The following HBEGF variants were observed in gnomAD, a reference collection of about 807,000 sequenced individuals.
HBEGF encodes proheparin-binding EGF-like growth factor.
In HBEGF, 8 loss-of-function variants were observed where a neutral mutation model predicts 19.5. The observed-to-expected ratio is 0.41, with a 90% confidence interval of 0.24 to 0.74. HBEGF has a LOEUF of 0.74. HBEGF is among the 30% of genes least tolerant of loss of function. The pLI is 0.32. For synonymous variants in HBEGF, 97 were observed against 108.9 expected, an observed-to-expected ratio of 0.89 and a Z score of 0.68; for missense variants, 207 against 256.9, an observed-to-expected ratio of 0.81 and a Z score of 1.33.
chr5:140,337,517 T>C (rs1766246824), intron 3 of HBEGF, among the ~76,000 whole-genome samples: 1 of 152,208 alleles, frequency 6.6e-6, no homozygotes, highest in Non-Finnish European at 1.5e-5. Flanking sequence ...AAGGAGGTGC[T>C]TTCTCTGGTA....
intron 4 of HBEGF, among the ~76,000 whole-genome samples, chr5:140,335,520 A>G (rs915107081): frequency 2.6e-4 from 40 of 152,116 alleles, no homozygotes; most frequent in Admixed American, 2.6e-3. Context: ...TACCACTAGC[A>G]CCACCCACAC....
rs771055333 is a variant in HBEGF, at chr5:140,346,336, C to A, written c.-8G>T. On this transcript the variant is annotated 5_prime_UTR_variant, in exon 1 of 6. Transcript: ENST00000230990. This position sits in a 1 kb window ranked among gnomAD's most constrained non-coding sequence, Gnocchi z 6.1. ...CGACGGCAGCAGCTTCATGGTCCCG[C>A]ACCGAGAGGAGGCGGCGAGGCACCA... is the stretch of plus-strand genomic sequence containing the variant. The A allele has an allele frequency of 2.5e-6, 4 of 1,607,602 alleles. No individual in the cohort carries two copies. In the East Asian group the frequency reaches 6.7e-5, roughly 27 times the overall value.
chr5:140,342,607 GA>G, intron 3 of HBEGF, 27 bp downstream of exon 3: 2 of 1,606,016 alleles, frequency 1.2e-6, no homozygotes, highest in East Asian at 4.5e-5. Flanking sequence ...GTGCTGATGA[GA>G]TTCAGCCCTG....
At position 140,346,535 on chromosome 5, in the gene HBEGF, G is replaced by A; in HGVS notation, c.-207C>T. On this transcript the variant is annotated 5_prime_UTR_variant, in exon 1 of 6. Transcript: ENST00000230990. The surrounding 1 kb of genome is among the most constrained non-coding windows in gnomAD (Gnocchi z 6.1). ...CTTGCTCACTCAGCCCGCCCGCGCG[G>A]CCGCCCGACCCCGCGCGCCTAGGTC... 1 of 613,222 alleles carries A rather than the reference G, an allele frequency of 1.6e-6. No homozygotes were observed. The highest frequency in any genetic ancestry group is 2.8e-6 in the Non-Finnish European group (1 of 353,260). 38.0% of individuals were successfully genotyped at this position (613,222 alleles called of 1,614,324 possible).
At chr5:140,336,828 C>CTTTTTTTTTTTTTTTTT (rs1160533557) in intron 3 of HBEGF, among the ~76,000 whole-genome samples, 6 of 129,798 alleles carry the variant, frequency 4.6e-5, no homozygotes, top group East Asian at 2.1e-4. Flanking sequence ...TTTTCTTTTT[C>CTTTTTTTTTTTTTTTTT]TTTTTTTTTT....
Position 140,346,429 on chromosome 5 carries a change from G to T in HBEGF, c.-101C>A, listed in dbSNP as rs1032899850. On this transcript the variant is annotated 5_prime_UTR_variant, in exon 1 of 6. Coordinates refer to ENST00000230990, the MANE Select transcript of HBEGF (RefSeq NM_001945.3). The surrounding 1 kb of genome is among the most constrained non-coding windows in gnomAD (Gnocchi z 6.1). ...TGGGCGGCGGAGCTCAGGAGATTCC[G>T]CCGGGCACCGTCTGCCGCCCGCCTC... 4 of 1,325,808 alleles carry T rather than the reference G, an allele frequency of 3.0e-6. No individual in the cohort carries two copies. In the Admixed American group the frequency reaches 8.3e-5, roughly 27 times the overall value. 82.1% of individuals were successfully genotyped at this position (1,325,808 alleles called of 1,614,324 possible).
At chr5:140,334,554 G>T in intron 5 of HBEGF, 104 bp downstream of exon 5, 1 of 793,966 alleles carries the variant, frequency 1.3e-6, no homozygotes, top group East Asian at 2.4e-5. Context: ...TGTCACAGTA[G>T]CCTGGCCCCC....
intron 3 of HBEGF, among the ~76,000 whole-genome samples, chr5:140,340,702 A>G (rs1265612830): frequency 6.6e-6 from 1 of 152,150 alleles, no homozygotes; most frequent in Non-Finnish European, 1.5e-5. Flanking sequence ...AGACTAGTAA[A>G]AGAATAAGAG....
rs1212266239 is a variant in HBEGF, at chr5:140,342,645, G to C, written c.388C>G (p.Pro130Ala). 7.4e-6 allele frequency: 12 copies of C among 1,614,008 alleles called. No homozygotes were observed. Among genetic ancestry groups the C allele is most frequent in the East Asian group, 2.2e-5 (1 of 44,882 alleles). ...GGAAGGGGCACTTACATGCAGGAGG[G>C]AGCCCGGAGCTCCTTCACATATTTG... Reference protein sequence around the residue: ...ECKYVKELRAPSCICHPGYHG... With the variant: ...ECKYVKELRAASCICHPGYHG... Residue 130 changes from proline (P) to alanine (A), a missense_variant, in exon 3 of 6, where the codon CCC (proline) becomes GCC (alanine). By Grantham distance (27) the Pro-to-Ala change is conservative. Transcript: ENST00000230990.
rs1306108793 is a variant in HBEGF, at chr5:140,334,219, T to C, written c.*80A>G. 1.3e-5 allele frequency: 2 copies of C among 159,566 alleles called. No individual in the cohort carries two copies. The highest frequency in any genetic ancestry group is 2.8e-5 in the Non-Finnish European group (2 of 72,620). The allele number at this position is 159,566 out of a possible 1,614,324, so 9.9% of individuals were successfully genotyped here. On this transcript the variant is annotated 3_prime_UTR_variant, in exon 6 of 6. Transcript: ENST00000230990. The stretch of plus-strand genomic sequence containing the variant: ...AGTCTTTGTGACTAGATGGAAGTCT[T>C]TCCCCTCTGCAGTCTGAAATCACCT...
rs1326523073 is a variant in HBEGF, at chr5:140,333,660, A to G, written c.*639T>C. 6.6e-6 allele frequency: 1 copy of G among 152,660 alleles called. No homozygotes were observed. Among genetic ancestry groups the G allele is most frequent in the Non-Finnish European group, 1.5e-5 (1 of 68,044 alleles). 9.5% of individuals were successfully genotyped at this position (152,660 alleles called of 1,614,324 possible). ...AAATATTATTGTTAGATTGTTAAAA[A>G]CTAAATAAATTAACATACATAGAAT... On this transcript the variant is annotated 3_prime_UTR_variant, in exon 6 of 6. Transcript: ENST00000230990.
chr5:140,343,775 G>T (rs369808587), intron 2 of HBEGF, among the ~76,000 whole-genome samples: 5 of 152,318 alleles, frequency 3.3e-5, no homozygotes, highest in African/African-American at 7.2e-5. Context: ...ACAGCCATGT[G>T]TCTTACAGAA....
In HBEGF at chr5:140,345,949, A is replaced by G; in HGVS notation, c.182T>C (p.Val61Ala). ...LPLGGGRDRK[V>A]RDLQEADLDL... ...CAGATCTGCCTCTTGCAAGTCACGG[A>G]CTTTCCGGTCCCGGCCGCCTCCTAG... Residue 61 changes from valine to alanine, a missense_variant, in exon 2 of 6, where the codon GTC becomes GCC. Physicochemically the swap from Val to Ala is moderately conservative, Grantham distance 64. Around this residue, in one of 3 missense-constraint regions of HBEGF, gnomAD observed 127 missense variants for 132.7 expected, o/e 0.96. Coordinates refer to ENST00000230990, the MANE Select transcript of HBEGF (RefSeq NM_001945.3). 1 of 1,614,134 alleles carries G rather than the reference A, an allele frequency of 6.2e-7. No individual in the cohort carries two copies. The highest frequency in any genetic ancestry group is 2.2e-5 in the East Asian group (1 of 44,874).
rs531044269 is a variant in HBEGF at position 140,341,894 on chromosome 5, G to A, written c.398+741C>T. 2.0e-5 allele frequency among the ~76,000 whole-genome samples: 3 copies of A among 152,292 alleles called. No homozygotes were observed. In the East Asian group the frequency reaches 5.8e-4, roughly 29 times the overall value. On this transcript the variant is annotated intron_variant, in intron 3 of 5. Transcript: ENST00000230990. ...GCAGCCGTTTGCTGGGTTTGGCTTA[G>A]GAGAGAGGCTAAGGAACCCACAGCC... is the stretch of plus-strand genomic sequence containing the variant.
At chr5:140,339,443 A>G (rs1413361466) in intron 3 of HBEGF, among the ~76,000 whole-genome samples, 1 of 152,040 alleles carries the variant, frequency 6.6e-6, no homozygotes, top group African/African-American at 2.4e-5. Flanking sequence ...CCTAGGCTGG[A>G]GTGCAATGGC....
intron 3 of HBEGF, among the ~76,000 whole-genome samples, chr5:140,340,745 A>G (rs1766299252): frequency 6.6e-6 from 1 of 152,204 alleles, no homozygotes; most frequent in Non-Finnish European, 1.5e-5. Context: ...TCTGCCCTCT[A>G]TAAAATGCTG....
intron 3 of HBEGF, among the ~76,000 whole-genome samples, chr5:140,338,852 T>C (rs1343728550): frequency 6.6e-6 from 1 of 152,190 alleles, no homozygotes; most frequent in Non-Finnish European, 1.5e-5. Flanking sequence ...TCCAGAGACA[T>C]CTTCCAAACT....
chr5:140,338,919 T>C (rs1766267264), intron 3 of HBEGF, among the ~76,000 whole-genome samples: 1 of 152,246 alleles, frequency 6.6e-6, no homozygotes, highest in South Asian at 2.1e-4. Context: ...TGGAGGAGAC[T>C]GAGTGCATGA....
At chr5:140,335,601 T>C (rs1383606698) in intron 4 of HBEGF, among the ~76,000 whole-genome samples, 1 of 151,980 alleles carries the variant, frequency 6.6e-6, no homozygotes, top group Non-Finnish European at 1.5e-5. Context: ...ACAAAGTGAC[T>C]CCATGAGTGG....
Sources: allele counts gnomAD v4.1 joint callset (sites outside exome capture counted in the v4.1 genomes callset), GRCh38; gene constraint gnomAD v4.1.1; regional missense constraint gnomAD v4.1.1; non-coding constraint Gnocchi (gnomAD v3.1); transcripts MANE v1.5; gene names NCBI Gene and HGNC (gene_info 2026-07-23, HGNC 2026-07-21).